Variants in AFG2A observed in about 807,000 individuals in gnomAD.
AFG2A encodes the protein AAA ATPase AFG2A, also known as ATPase family gene 2 protein homolog A.
At chr4:123,128,874 A>G in the AFG2A span, among the ~76,000 whole-genome samples, 1 of 152,140 alleles carries the variant, frequency 6.6e-6, no homozygotes, top group Admixed American at 6.6e-5. Flanking sequence ...CTCTCACTCT[A>G]AAACCCAGCA....
the AFG2A span, among the ~76,000 whole-genome samples, chr4:123,178,762 A>G: frequency 1.3e-5 from 2 of 152,216 alleles, no homozygotes; most frequent in African/African-American, 4.8e-5. Context: ...TAAGAATGTT[A>G]GCTTGCAACC....
At chr4:123,229,060 T>G in the AFG2A span, among the ~76,000 whole-genome samples, 1 of 151,934 alleles carries the variant, frequency 6.6e-6, no homozygotes, top group Non-Finnish European at 1.5e-5. Context: ...AGGATGGTTC[T>G]AAGGATTAAA....
chr4:123,041,411 G>A, the AFG2A span, among the ~76,000 whole-genome samples: 7 of 151,306 alleles, frequency 4.6e-5, no homozygotes, highest in South Asian at 2.1e-4. Flanking sequence ...GTGAGCCACC[G>A]CGCCCGGCCT....
At chr4:123,260,409 C>T in the AFG2A span, among the ~76,000 whole-genome samples, 3 of 152,182 alleles carry the variant, frequency 2.0e-5, no homozygotes, top group East Asian at 1.9e-4. Flanking sequence ...GCCAGCTTGA[C>T]ATTTAAAAAA....
the AFG2A span, among the ~76,000 whole-genome samples, chr4:123,236,389 C>T: frequency 4.6e-4 from 70 of 152,246 alleles, no homozygotes; most frequent in Middle Eastern, 3.4e-3. Context: ...TACATAGTTA[C>T]GTCTTGTTTT....
chr4:123,065,625 A>G, the AFG2A span, among the ~76,000 whole-genome samples: 5 of 152,202 alleles, frequency 3.3e-5, no homozygotes, highest in Non-Finnish European at 7.4e-5. Flanking sequence ...AACTGATTAA[A>G]TAAAACATTT....
At chr4:123,295,713 G>A in the AFG2A span, among the ~76,000 whole-genome samples, 1 of 152,192 alleles carries the variant, frequency 6.6e-6, no homozygotes, top group Admixed American at 6.5e-5. Flanking sequence ...ACCAAACATG[G>A]TGAAAACCTG....
the AFG2A span, among the ~76,000 whole-genome samples, chr4:123,173,482 A>C: frequency 0.51 from 76,677 of 150,782 alleles, 23,563 homozygotes; most frequent in Non-Finnish European, 0.67. Flanking sequence ...CAGCCTCCCG[A>C]GTAGCTGGGC....
the AFG2A span, among the ~76,000 whole-genome samples, chr4:122,997,736 G>A: frequency 6.6e-6 from 1 of 152,246 alleles, no homozygotes; most frequent in Middle Eastern, 3.4e-3. Flanking sequence ...CAAAGTATCT[G>A]TACCATTTTA....
chr4:123,264,860 G>A, the AFG2A span, among the ~76,000 whole-genome samples: 1 of 152,114 alleles, frequency 6.6e-6, no homozygotes, highest in East Asian at 1.9e-4. Flanking sequence ...AATCTGTGTG[G>A]TTATATACCT....
At chr4:123,015,551 C>G in the AFG2A span, among the ~76,000 whole-genome samples, 1 of 151,520 alleles carries the variant, frequency 6.6e-6, no homozygotes, top group African/African-American at 2.4e-5. Context: ...TTTCTTAGTA[C>G]AGAACAAAAT....
the AFG2A span, chr4:122,935,993 A>G: frequency 1.6e-6 from 2 of 1,283,210 alleles, no homozygotes; most frequent in Admixed American, 5.7e-5. Context: ...TTCTTTTTGA[A>G]AGTAATTTTA....
the AFG2A span, among the ~76,000 whole-genome samples, chr4:123,143,832 T>G: frequency 9.9e-5 from 1 of 10,064 alleles, no homozygotes; most frequent in Non-Finnish European, 1.6e-3. Context: ...CTTCTCTCTC[T>G]TTTTTTTTTT....
chr4:123,040,947 A>G, the AFG2A span, among the ~76,000 whole-genome samples: 1,185 of 152,230 alleles, frequency 7.8e-3, 22 homozygotes, highest in African/African-American at 0.027. Context: ...CATCCAAAAC[A>G]CTGTGCCAAG....
chr4:123,118,097 G>A, the AFG2A span, among the ~76,000 whole-genome samples: 2 of 150,592 alleles, frequency 1.3e-5, no homozygotes, highest in East Asian at 1.9e-4. Context: ...TTGTTAAGAT[G>A]GTATTTTGAA....
At chr4:123,198,883 C>T in the AFG2A span, among the ~76,000 whole-genome samples, 2,583 of 152,276 alleles carry the variant, frequency 0.017, 82 homozygotes, top group African/African-American at 0.059. Flanking sequence ...GGTTTAGAAT[C>T]TAGATGAGGC....
chr4:122,977,917 G>T, the AFG2A span, among the ~76,000 whole-genome samples: 1 of 152,154 alleles, frequency 6.6e-6, no homozygotes, highest in Non-Finnish European at 1.5e-5. Flanking sequence ...CCTCACAAAT[G>T]TCTAGCTTTC....
the AFG2A span, among the ~76,000 whole-genome samples, chr4:123,169,193 A>G: frequency 6.6e-6 from 1 of 152,220 alleles, no homozygotes; most frequent in Admixed American, 6.5e-5. Context: ...TTAAAAGGTA[A>G]TAGTTTTCCA....
At chr4:123,052,302 T>C in the AFG2A span, among the ~76,000 whole-genome samples, 1 of 152,254 alleles carries the variant, frequency 6.6e-6, no homozygotes, top group African/African-American at 2.4e-5. Flanking sequence ...ATTTTGTTTA[T>C]GATTTCAGTA....
Sources: gnomAD v4.1 joint callset for allele counts (sites outside exome capture counted in the v4.1 genomes callset) on GRCh38, gnomAD v4.1.1 for gene constraint, MANE v1.5 for transcripts, NCBI Gene and HGNC (gene_info 2026-07-23, HGNC 2026-07-21) for gene names.